Variants in HMGCLL1 observed in about 807,000 individuals in gnomAD.
The protein encoded by HMGCLL1 is 3-hydroxy-3-methylglutaryl-CoA lyase like 1, also known as 3-hydroxymethyl-3-methylglutaryl-CoA lyase, cytoplasmic.
In HMGCLL1, 36 loss-of-function variants were observed where a neutral mutation model predicts 39.1. The observed-to-expected ratio is 0.92, with a 90% CI of 0.71 to 1.22. The LOEUF is 1.22. Ranked by LOEUF, HMGCLL1 falls within the 50% of genes most tolerant of loss-of-function variation. The probability of loss-of-function intolerance (pLI) is 0.00; values close to 1 mark genes in which losing one functional copy is unlikely to be tolerated. For synonymous variants in HMGCLL1, 149 were observed against 144.0 expected, an observed-to-expected ratio of 1.03 and a Z score of -0.25; for missense variants, 451 against 416.5, an observed-to-expected ratio of 1.08 and a Z score of -0.72.
chr6:55,653,651 C>A, the HMGCLL1 span, among the ~76,000 whole-genome samples: 1 of 151,874 alleles, frequency 6.6e-6, no homozygotes, highest in Non-Finnish European at 1.5e-5. Context: ...AAGAAGGTAC[C>A]TTGCTTCCCA....
the HMGCLL1 span, among the ~76,000 whole-genome samples, chr6:55,675,379 T>C: frequency 6.6e-6 from 1 of 152,126 alleles, no homozygotes; most frequent in Admixed American, 6.6e-5. Context: ...CAAACATGCA[T>C]ATACCACACT....
chr6:55,513,819 GTTCCTCTGATTTCAACTGCATGACACA>G lies in HMGCLL1; in HGVS notation c.542+202_542+228del, dbSNP rs1468390577. The G allele has an allele frequency of 7.8e-6, 4 of 511,148 alleles. No homozygotes were observed. The African/African-American group carries it at 8.1e-5, about 10-fold the overall frequency. The allele number at this position is 511,148 out of a possible 1,614,324, so 31.7% of individuals were successfully genotyped here. ...TTAATAATGCCAGATTTGCATGCTA[GTTCCTCTGATTTCAACTGCATGACACA>G]TTCCACAAGCTAGATACTCACTAAT... On this transcript the variant is annotated intron_variant, in intron 5 of 8. Coordinates refer to ENST00000274901, the MANE Select transcript of HMGCLL1 (RefSeq NM_001042406.2).
intron 1 of HMGCLL1, among the ~76,000 whole-genome samples, chr6:55,573,021 C>G (rs1449128985): frequency 2.6e-5 from 4 of 152,132 alleles, no homozygotes; most frequent in Non-Finnish European, 5.9e-5. Flanking sequence ...AGGAGCCTAG[C>G]AAGGCTGGAG....
intron 1 of HMGCLL1, among the ~76,000 whole-genome samples, chr6:55,548,730 AAG>A (rs1770134561): frequency 6.6e-6 from 1 of 151,952 alleles, no homozygotes; most frequent in Non-Finnish European, 1.5e-5. Flanking sequence ...CAAACTATGA[AAG>A]AGGAAATAGA....
At chr6:55,643,680 G>T in the HMGCLL1 span, among the ~76,000 whole-genome samples, 1 of 151,652 alleles carries the variant, frequency 6.6e-6, no homozygotes, top group Non-Finnish European at 1.5e-5. Context: ...TTTATTTTTA[G>T]ATCCCCCAAA....
At chr6:55,482,069 T>C (rs1350827666) in intron 7 of HMGCLL1, among the ~76,000 whole-genome samples, 3 of 152,146 alleles carry the variant, frequency 2.0e-5, no homozygotes, top group South Asian at 2.1e-4. Context: ...TTCCCACTTA[T>C]ATGAACTCAC....
the HMGCLL1 span, among the ~76,000 whole-genome samples, chr6:55,617,035 T>A: frequency 6.6e-6 from 1 of 152,082 alleles, no homozygotes; most frequent in Non-Finnish European, 1.5e-5. Context: ...TTTTTAAAAA[T>A]TTTTCTTTCC....
chr6:55,530,071 G>C (rs1379752018), intron 3 of HMGCLL1, among the ~76,000 whole-genome samples: 1 of 85,528 alleles, frequency 1.2e-5, no homozygotes, highest in East Asian at 3.1e-4. Context: ...TCTGGTGGGG[G>C]GTTGGGGGGC....
At chr6:55,592,990 A>G in the HMGCLL1 span, among the ~76,000 whole-genome samples, 1 of 152,122 alleles carries the variant, frequency 6.6e-6, no homozygotes, top group African/African-American at 2.4e-5. Flanking sequence ...AAAAGCATGC[A>G]TCATATATAA....
chr6:55,617,335 T>C, the HMGCLL1 span, among the ~76,000 whole-genome samples: 1 of 152,076 alleles, frequency 6.6e-6, no homozygotes, highest in South Asian at 2.1e-4. Context: ...ATATTTATAG[T>C]CTTGGAAACC....
chr6:55,594,396 G>T, the HMGCLL1 span, among the ~76,000 whole-genome samples: 9 of 152,066 alleles, frequency 5.9e-5, no homozygotes, highest in Admixed American at 5.9e-4. Context: ...TTTTAACCAA[G>T]AATTTTGCTT....
At chr6:55,459,016 G>C (rs1232722297) in intron 7 of HMGCLL1, among the ~76,000 whole-genome samples, 12 of 152,120 alleles carry the variant, frequency 7.9e-5, no homozygotes, top group Admixed American at 1.3e-4. Flanking sequence ...CTTCTTACTA[G>C]AGAGTGCAAT....
rs1767589688 is a variant in HMGCLL1, at chr6:55,513,794, T to A, written c.542+254A>T. On this transcript the variant is annotated intron_variant, in intron 5 of 8. Transcript: ENST00000274901. ...GGGTGCTAGAGTGTTAATAAAATAG[T>A]TAATAATGCCAGATTTGCATGCTAG... is the stretch of plus-strand genomic sequence containing the variant. 5 of 485,500 alleles carry A rather than the reference T, an allele frequency of 1.0e-5. 1 individual carries two copies. In the Admixed American group the frequency reaches 1.2e-4, roughly 12 times the overall value. The allele number at this position is 485,500 out of a possible 1,614,324, so 30.1% of individuals were successfully genotyped here.
chr6:55,569,513 C>A (rs1052738186), intron 1 of HMGCLL1, among the ~76,000 whole-genome samples: 1 of 152,152 alleles, frequency 6.6e-6, no homozygotes, highest in East Asian at 1.9e-4. Context: ...AGAACTAGAA[C>A]TGCTTGAGTT....
the HMGCLL1 span, among the ~76,000 whole-genome samples, chr6:55,588,721 G>T: frequency 6.6e-6 from 1 of 151,922 alleles, no homozygotes; most frequent in Non-Finnish European, 1.5e-5. Flanking sequence ...TGATAAAAGG[G>T]ATATCACCAC....
chr6:55,547,279 T>C (rs775275052), intron 1 of HMGCLL1, among the ~76,000 whole-genome samples: 5 of 152,048 alleles, frequency 3.3e-5, no homozygotes, highest in Non-Finnish European at 7.4e-5. Flanking sequence ...CATATTTTGA[T>C]GGGGATTTCT....
At chr6:55,474,549 C>T (rs1185983941) in intron 7 of HMGCLL1, among the ~76,000 whole-genome samples, 1 of 151,448 alleles carries the variant, frequency 6.6e-6, no homozygotes, top group Non-Finnish European at 1.5e-5. Context: ...GCCAATAAAT[C>T]CCTTCACATA....
chr6:55,476,230 T>A (rs1765279304), intron 7 of HMGCLL1, among the ~76,000 whole-genome samples: 1 of 151,628 alleles, frequency 6.6e-6, no homozygotes, highest in Admixed American at 6.6e-5. Context: ...TTACTTTTAT[T>A]TATAAAACTT....
the HMGCLL1 span, among the ~76,000 whole-genome samples, chr6:55,642,460 TA>T: frequency 2.6e-5 from 4 of 151,912 alleles, no homozygotes; most frequent in East Asian, 3.9e-4. Context: ...TGGCTGCTTT[TA>T]AAAAAAATTT....
Sources: gnomAD v4.1 joint callset for allele counts (sites outside exome capture counted in the v4.1 genomes callset) on GRCh38, gnomAD v4.1.1 for gene constraint, MANE v1.5 for transcripts, NCBI Gene and HGNC (gene_info 2026-07-23, HGNC 2026-07-21) for gene names.